PKIB: variants seen among roughly 807,000 people sequenced by gnomAD.
PKIB encodes cAMP-dependent protein kinase inhibitor beta.
PKIB carries 2 observed loss-of-function variants against 4.5 expected under a neutral mutation model. The ratio of observed to expected loss-of-function variants is 0.44; its 90% CI spans 0.18 to 1.39. PKIB has a LOEUF of 1.39. Ranked by LOEUF, PKIB falls within the 40% of genes most tolerant of loss-of-function variation. The pLI is 0.27. For synonymous variants in PKIB, 38 were observed against 36.0 expected (o/e 1.06, Z -0.20); for missense variants, 94 against 92.6 (o/e 1.02, Z -0.06).
intron 2 of PKIB, among the ~76,000 whole-genome samples, chr6:122,649,586 T>G (rs1273986029): frequency 6.6e-6 from 1 of 152,196 alleles, no homozygotes; most frequent in Non-Finnish European, 1.5e-5. Context: ...TGAGCCTGTT[T>G]CAGCTCAATC....
At chr6:122,640,853 CCTAT>C (rs1365867095) in intron 2 of PKIB, among the ~76,000 whole-genome samples, 1 of 152,002 alleles carries the variant, frequency 6.6e-6, no homozygotes, top group East Asian at 1.9e-4. Context: ...CTTTTCCAGG[CCTAT>C]CTTAGGTTAG....
At chr6:122,612,170 TCA>T (rs952731548) in intron 1 of PKIB, among the ~76,000 whole-genome samples, 6 of 152,196 alleles carry the variant, frequency 3.9e-5, no homozygotes, top group Non-Finnish European at 5.9e-5. Context: ...TTAATTTTCC[TCA>T]CAGTTCTTAC....
chr6:122,606,579 A>AAAAAAAAAAG (rs1562267419), upstream of PKIB, among the ~76,000 whole-genome samples: 1 of 151,552 alleles, frequency 6.6e-6, no homozygotes, highest in African/African-American at 2.4e-5. Context: ...CTCAAAAAAG[A>AAAAAAAAAAG]AAAAAAAAGC....
intron 2 of PKIB, among the ~76,000 whole-genome samples, chr6:122,520,661 T>TCCCCCC (rs543467489): frequency 6.1e-4 from 34 of 55,508 alleles, no homozygotes; most frequent in African/African-American, 8.4e-4. Context: ...AAGTTTATGT[T>TCCCCCC]CCCACCCCCC....
chr6:122,653,067 C>A (rs775922948), intron 2 of PKIB, among the ~76,000 whole-genome samples: 2 of 152,128 alleles, frequency 1.3e-5, no homozygotes, highest in Non-Finnish European at 1.5e-5. Flanking sequence ...GCTAATTCTG[C>A]TAATAGGTTT....
At chr6:122,687,324 A>G (rs907457434) in intron 3 of PKIB, among the ~76,000 whole-genome samples, 2 of 152,066 alleles carry the variant, frequency 1.3e-5, no homozygotes, top group African/African-American at 4.8e-5. Flanking sequence ...CCATTGGTCT[A>G]TATGTCTGTT....
At chr6:122,564,324 G>A (rs139174842) in intron 2 of PKIB, among the ~76,000 whole-genome samples, 28 of 152,194 alleles carry the variant, frequency 1.8e-4, no homozygotes, top group African/African-American at 2.4e-4. Context: ...TGTTCTGTCC[G>A]GAGCTGCACT....
intron 2 of PKIB, among the ~76,000 whole-genome samples, chr6:122,528,634 A>C (rs749297672): frequency 6.6e-6 from 1 of 152,136 alleles, no homozygotes; most frequent in Non-Finnish European, 1.5e-5. Flanking sequence ...GCTCATGCCT[A>C]TAATCCTAGC....
chr6:122,615,546 A>C (rs950723958), intron 1 of PKIB, among the ~76,000 whole-genome samples: 2 of 152,164 alleles, frequency 1.3e-5, no homozygotes, highest in African/African-American at 4.8e-5. Context: ...GGGTGTACTG[A>C]GTTGGATAAT....
At position 122,627,508 on chromosome 6, in the gene PKIB, C is replaced by T. The variant is rs1410960343; in HGVS notation, c.-160-5775C>T. On this transcript the variant is annotated intron_variant, in intron 1 of 4. Transcript: ENST00000368452. ...TTGGTTGAATCACACTCACTGAATACCTGAATGTCTTAATTTGAACTCATC... is the reference window on the plus strand; with the variant it reads ...TTGGTTGAATCACACTCACTGAATATCTGAATGTCTTAATTTGAACTCATC... Among the ~76,000 whole-genome samples, 3 of 152,138 alleles carry T rather than the reference C, an allele frequency of 2.0e-5. No individual in the cohort carries two copies. In the East Asian group the frequency reaches 5.8e-4, roughly 29 times the overall value.
intron 2 of PKIB, among the ~76,000 whole-genome samples, chr6:122,510,161 A>ACTTT (rs1776538697): frequency 6.6e-6 from 1 of 152,164 alleles, no homozygotes; most frequent in Admixed American, 6.5e-5. Flanking sequence ...ATTTTCAAAT[A>ACTTT]CTGAAAAGGA....
At chr6:122,528,671 C>T (rs996959793) in intron 2 of PKIB, among the ~76,000 whole-genome samples, 1 of 152,110 alleles carries the variant, frequency 6.6e-6, no homozygotes, top group African/African-American at 2.4e-5. Flanking sequence ...GTGGGAGGAT[C>T]AGTTGAGATC....
intron 3 of PKIB, among the ~76,000 whole-genome samples, chr6:122,591,165 G>GT (rs1774007344): frequency 8.0e-6 from 1 of 124,394 alleles, no homozygotes; most frequent in Admixed American, 8.3e-5. Flanking sequence ...AGCAAGGAAG[G>GT]TCCCCCCCCA....
chr6:122,687,585 T>G (rs1778143432), intron 3 of PKIB, among the ~76,000 whole-genome samples: 1 of 152,202 alleles, frequency 6.6e-6, no homozygotes, highest in Non-Finnish European at 1.5e-5. Context: ...ACATTATTGA[T>G]TCTTCCAATC....
intron 2 of PKIB, among the ~76,000 whole-genome samples, chr6:122,501,157 C>G (rs1441589449): frequency 1.3e-5 from 2 of 152,160 alleles, no homozygotes. Flanking sequence ...CCAACAGTCC[C>G]CTAAAGTCTT....
intron 2 of PKIB, among the ~76,000 whole-genome samples, chr6:122,649,642 C>T (rs760798670): frequency 7.9e-5 from 12 of 152,238 alleles, no homozygotes; most frequent in Non-Finnish European, 1.6e-4. Context: ...GCTGTACATA[C>T]CCAACGTTAA....
chr6:122,660,982 A>G (rs1776962276), intron 2 of PKIB, among the ~76,000 whole-genome samples: 1 of 152,182 alleles, frequency 6.6e-6, no homozygotes, highest in African/African-American at 2.4e-5. Flanking sequence ...AAGGTAGAAA[A>G]TATACATGAT....
chr6:122,658,659 G>A (rs1427758851), intron 2 of PKIB, among the ~76,000 whole-genome samples: 1 of 151,650 alleles, frequency 6.6e-6, no homozygotes, highest in African/African-American at 2.4e-5. Context: ...CCCTCTCTGG[G>A]CAGAGGTCTT....
At chr6:122,620,082 C>T (rs1775163063) in intron 1 of PKIB, among the ~76,000 whole-genome samples, 1 of 152,108 alleles carries the variant, frequency 6.6e-6, no homozygotes, top group East Asian at 1.9e-4. Flanking sequence ...CCATATGCCA[C>T]CTGTACAATA....
Sources: gnomAD v4.1 joint callset for allele counts (sites outside exome capture counted in the v4.1 genomes callset) on GRCh38, gnomAD v4.1.1 for gene constraint, MANE v1.5 for transcripts, NCBI Gene and HGNC (gene_info 2026-07-23, HGNC 2026-07-21) for gene names.